The following PPP1R13L variants were observed in gnomAD, a reference collection of about 807,000 sequenced individuals.
PPP1R13L encodes the protein relA-associated inhibitor.
PPP1R13L carries 50 observed loss-of-function variants against 80.9 expected under a neutral mutation model. The observed-to-expected ratio is 0.62, with a 90% CI of 0.49 to 0.78. The LOEUF (loss-of-function observed/expected upper bound fraction) is 0.78, where lower values mean the gene tolerates loss of function less well. Ranked by LOEUF, PPP1R13L falls within the 30% of genes least tolerant of loss-of-function variation. The pLI, the probability that PPP1R13L is intolerant of heterozygous loss-of-function variation, is 0.00. For synonymous variants in PPP1R13L, 602 were observed against 534.3 expected (o/e 1.13, Z -1.75); for missense variants, 1,200 against 1,205.9 (o/e 1.00, Z 0.07).
rs1972858912 is a variant in PPP1R13L at position 45,385,930 on chromosome 19, C to T, written c.1975G>A (p.Glu659Lys). 1 of 1,612,446 alleles carries T rather than the reference C, an allele frequency of 6.2e-7. No homozygotes were observed. Among genetic ancestry groups the T allele is most frequent in the Admixed American group, 1.7e-5 (1 of 59,700 alleles). The change falls in exon 10 of 13, where the codon GAG becomes AAG. Residue 659 changes from glutamate (E) to lysine (K), a missense_variant. Coordinates refer to ENST00000360957, the MANE Select transcript of PPP1R13L (RefSeq NM_006663.4). The part of the protein sequence containing the change: ...EMNDPSQPNE[E>K]GITALHNAIC... ...GCGTTGTGCAAGGCAGTGATGCCCT[C>T]CTCGTTGGGCTGGCTCGGGTCGTTC...
At chr19:45,382,196 T>C (rs1052921890) in intron 12 of PPP1R13L, among the ~76,000 whole-genome samples, 2 of 151,952 alleles carry the variant, frequency 1.3e-5, no homozygotes, top group African/African-American at 4.8e-5. Flanking sequence ...ATGGCGCCAT[T>C]GCACTCCAGC....
chr19:45,391,507 C>A (rs1437532561), intron 8 of PPP1R13L, among the ~76,000 whole-genome samples: 3 of 152,178 alleles, frequency 2.0e-5, no homozygotes, highest in Non-Finnish European at 4.4e-5. Flanking sequence ...TCCCAGCATC[C>A]CATTGCAATG....
Position 45,391,982 on chromosome 19 carries a change from C to A in PPP1R13L, c.1713G>T (p.Glu571Asp), listed in dbSNP as rs767692178. 1.3e-6 allele frequency: 2 copies of A among 1,528,126 alleles called. No individual in the cohort carries two copies. Among genetic ancestry groups the A allele is most frequent in the Non-Finnish European group, 1.8e-6 (2 of 1,140,420 alleles). The allele number at this position is 1,528,126 out of a possible 1,614,324, so 94.7% of individuals were successfully genotyped here. The part of the protein sequence containing the change: ...GPEPELSPIT[E>D]GSEARAGPPA... ...GGGGCCCTGCCCTGGCCTCAGATCC[C>A]TCAGTGATGGGGGACAGCTCTGGCT... The change falls in exon 8 of 13, where the codon GAG becomes GAT. Residue 571 changes from glutamate (E) to aspartate (D), a missense_variant. Transcript: ENST00000360957.
In PPP1R13L at chr19:45,390,491, G is replaced by A. The variant is rs1972950068; in HGVS notation, c.1815+1389C>T. ...ATGAGAAAGCACTGTAAAACGTTTTGTTCTGTTAGCTGATGTCTGTAGCCC... is the reference window on the plus strand; with the variant it reads ...ATGAGAAAGCACTGTAAAACGTTTTATTCTGTTAGCTGATGTCTGTAGCCC... On this transcript the variant is annotated intron_variant, in intron 8 of 12. Coordinates refer to ENST00000360957, the MANE Select transcript of PPP1R13L (RefSeq NM_006663.4). Among the ~76,000 whole-genome samples the A allele has an allele frequency of 3.3e-5, 5 of 152,246 alleles. No homozygotes were observed. In the South Asian group the frequency reaches 1.0e-3, roughly 32 times the overall value.
At chr19:45,389,376 G>A (rs1480704477) in intron 8 of PPP1R13L, among the ~76,000 whole-genome samples, 1 of 152,154 alleles carries the variant, frequency 6.6e-6, no homozygotes, top group East Asian at 1.9e-4. Flanking sequence ...GTTCAGGACT[G>A]TTCCATGTGG....
At chr19:45,385,800 C>G (rs1568554430) in intron 10 of PPP1R13L, 24 bp downstream of exon 10, 1 of 1,609,222 alleles carries the variant, frequency 6.2e-7, no homozygotes, top group Non-Finnish European at 8.5e-7. Context: ...GGGGACCCAG[C>G]CCACCGCGCG....
rs569952468 is a variant in PPP1R13L, at chr19:45,385,736, TGGGGGTGG to T, written c.2082-16_2082-9del. On this transcript the variant is annotated splice_polypyrimidine_tract_variant and intron_variant, in intron 10 of 12. Transcript: ENST00000360957. Reference sequence around the variant, plus strand: ...GCGCAGTGCAAGGGTGTCCTAGGCGTGGGGGTGGGGGGTTGCGGGGAACGATGCGTGAG... The same window carrying T: ...GCGCAGTGCAAGGGTGTCCTAGGCGTGGGGTTGCGGGGAACGATGCGTGAG... 6.9e-4 allele frequency: 1,100 copies of T among 1,599,526 alleles called. 1 individual carries two copies. Among genetic ancestry groups the T allele is most frequent in the Middle Eastern group, 3.3e-3 (20 of 6,036 alleles).
intron 1 of PPP1R13L, among the ~76,000 whole-genome samples, chr19:45,400,148 C>T (rs10401973): frequency 0.59 from 89,235 of 151,664 alleles, 27,507 homozygotes; most frequent in East Asian, 0.76. Flanking sequence ...GTCATCTCTA[C>T]CAGATTAGAG....
At chr19:45,382,443 T>A in intron 12 of PPP1R13L, 84 bp downstream of exon 12, 1 of 1,487,604 alleles carries the variant, frequency 6.7e-7, no homozygotes, top group East Asian at 2.3e-5. Flanking sequence ...TTGTTCCTGT[T>A]GCCTCTTCTT....
rs924488314 is a variant in PPP1R13L at position 45,383,542 on chromosome 19, G to A, written c.2249-816C>T. On this transcript the variant is annotated intron_variant, in intron 11 of 12. Transcript: ENST00000360957. ...ACTCCTGACCTCAAGTGATCCACCC[G>A]CCTCGGCCTCCCAAAGTGCTGGGAT... 4.3e-5 allele frequency among the ~76,000 whole-genome samples: 6 copies of A among 138,504 alleles called. No homozygotes were observed. In the South Asian group the frequency reaches 9.4e-4, roughly 22 times the overall value. 90.9% of individuals were successfully genotyped at this position (138,504 alleles called of 152,430 possible). A position where few individuals can be genotyped will look rare whatever the true frequency, so the allele number is the denominator to read the frequency against.
At chr19:45,398,430 G>A in intron 1 of PPP1R13L, 91 bp from the exon 2 acceptor site, 1 of 1,264,312 alleles carries the variant, frequency 7.9e-7, no homozygotes. Context: ...GCGGGACAAC[G>A]CCTCAACTCA....
In PPP1R13L at chr19:45,385,952, G is replaced by A; in HGVS notation, c.1953C>T (p.Asn651=). 1 of 1,610,454 alleles carries A rather than the reference G, an allele frequency of 6.2e-7. No homozygotes were observed. The highest frequency in any genetic ancestry group is 8.5e-7 in the Non-Finnish European group (1 of 1,178,866). The change falls in exon 10 of 13, where the codon AAC becomes AAT. Residue 651 remains asparagine (N), a synonymous_variant. Transcript: ENST00000360957. The part of the protein sequence containing the change: ...EVVQQAVKEM[N]DPSQPNEEGI... ...CCTCCTCGTTGGGCTGGCTCGGGTC[G>A]TTCATCTGAGTGCACCGGGGGAGGG...
intron 11 of PPP1R13L, among the ~76,000 whole-genome samples, chr19:45,383,430 G>T (rs1200488365): frequency 6.6e-6 from 1 of 151,492 alleles, no homozygotes; most frequent in Non-Finnish European, 1.5e-5. Flanking sequence ...AAGTAGCTGG[G>T]ATTACAGGTG....
At chr19:45,399,731 A>G (rs1973195235) in intron 1 of PPP1R13L, among the ~76,000 whole-genome samples, 1 of 151,728 alleles carries the variant, frequency 6.6e-6, no homozygotes, top group South Asian at 2.1e-4. Context: ...AGGTGGATGG[A>G]TCGCTTGAAG....
At chr19:45,400,888 C>T (rs1158213204) in intron 1 of PPP1R13L, among the ~76,000 whole-genome samples, 1 of 73,104 alleles carries the variant, frequency 1.4e-5, no homozygotes, top group Non-Finnish European at 2.2e-5. Flanking sequence ...GCCATTCTCC[C>T]GCCTCAGCCT....
At chr19:45,400,760 ATTTTTTTTTTTTTTTTTT>A (rs887299061) in intron 1 of PPP1R13L, among the ~76,000 whole-genome samples, 1 of 25,966 alleles carries the variant, frequency 3.9e-5, no homozygotes, top group Non-Finnish European at 5.8e-5. Flanking sequence ...CACCCAGCTA[ATTTTTTTTTTTTTTTTTT>A]TTTTTTTTTT....
intron 2 of PPP1R13L, 35 bp downstream of exon 2, chr19:45,398,229 C>A: frequency 6.2e-7 from 1 of 1,613,482 alleles, no homozygotes; most frequent in Non-Finnish European, 8.5e-7. Context: ...GCCGAGGTCC[C>A]CGCCTCGCCA....
intron 8 of PPP1R13L, among the ~76,000 whole-genome samples, chr19:45,390,842 C>T (rs1972957684): frequency 6.6e-6 from 1 of 152,122 alleles, no homozygotes; most frequent in Admixed American, 6.6e-5. Flanking sequence ...CCTCGGCCTC[C>T]CAAAGTGCTG....
intron 8 of PPP1R13L, among the ~76,000 whole-genome samples, chr19:45,386,687 G>A (rs922356089): frequency 6.8e-6 from 1 of 146,790 alleles, no homozygotes; most frequent in Admixed American, 6.9e-5. Context: ...CTGGAGTGCA[G>A]TGCAGTGGTG....
Sources: gnomAD v4.1 joint callset for allele counts (sites outside exome capture counted in the v4.1 genomes callset) on GRCh38, gnomAD v4.1.1 for gene constraint, MANE v1.5 for transcripts, NCBI Gene and HGNC (gene_info 2026-07-23, HGNC 2026-07-21) for gene names.